The following NOS1 variants were observed in gnomAD, a reference collection of about 807,000 sequenced individuals.
NOS1 encodes nitric oxide synthase 1, also known as NOS type I.
NOS1 carries 51 observed loss-of-function variants against 164.5 expected under a neutral mutation model. The observed-to-expected ratio is 0.31, with a 90% CI of 0.25 to 0.39. The LOEUF (loss-of-function observed/expected upper bound fraction) is 0.39, where lower values mean the gene tolerates loss of function less well. Among genes scored for constraint, NOS1 ranks in the 10% least tolerant of loss-of-function variants. The pLI, the probability that NOS1 is intolerant of heterozygous loss-of-function variation, is 1.00. For missense variants in NOS1, 1,362 were observed against 1,885.6 expected (o/e 0.72, Z 5.14); for synonymous variants, 719 against 745.8 (o/e 0.96, Z 0.59).
At chr12:117,304,499 G>A (rs1390834405) in intron 3 of NOS1, among the ~76,000 whole-genome samples, 1 of 152,272 alleles carries the variant, frequency 6.6e-6, no homozygotes, top group East Asian at 1.9e-4. Context: ...ACATCCGTGA[G>A]GGTCTCAAGG....
chr12:117,208,709 C>T lies in NOS1; in HGVS notation c.*6600G>A. On this transcript the variant is annotated 3_prime_UTR_variant, in exon 29 of 29. Transcript: ENST00000317775. ...TCTTATTGAAACAGACTGCCATCCT[C>T]TGTTCTGGCATGGGAGGGCTTTTTT... 9.7e-7 allele frequency: 1 copy of T among 1,026,622 alleles called. No homozygotes were observed. The highest frequency in any genetic ancestry group is 3.5e-5 in the South Asian group (1 of 28,642). The allele number at this position is 1,026,622 out of a possible 1,614,324, so 63.6% of individuals were successfully genotyped here.
chr12:117,310,780 G>C (rs1452273063), intron 3 of NOS1, among the ~76,000 whole-genome samples: 1 of 151,992 alleles, frequency 6.6e-6, no homozygotes, highest in African/African-American at 2.4e-5. Context: ...GAGTAGCTAG[G>C]AACTACAGGT....
chr12:117,324,739 A>ATAAATAAATAAATAAATAAATAAG (rs60464578), intron 2 of NOS1, among the ~76,000 whole-genome samples: 3 of 151,988 alleles, frequency 2.0e-5, no homozygotes, highest in African/African-American at 7.3e-5. Flanking sequence ...AAATAAATAA[A>ATAAATAAATAAATAAATAAATAAG]GTGACTGCTC....
intron 3 of NOS1, among the ~76,000 whole-genome samples, chr12:117,307,037 C>T (rs550219213): frequency 1.3e-5 from 2 of 152,356 alleles, no homozygotes; most frequent in Admixed American, 1.3e-4. Context: ...GGCTTGAAGA[C>T]CAAAGTTATG....
intron 3 of NOS1, among the ~76,000 whole-genome samples, chr12:117,310,159 C>T (rs1263909709): frequency 1.3e-5 from 2 of 152,192 alleles, no homozygotes; most frequent in African/African-American, 2.4e-5. Flanking sequence ...CCTCCTGCCT[C>T]GGCCTTCCAA....
At position 117,213,363 on chromosome 12, in the gene NOS1, G is replaced by C; in HGVS notation, c.*1946C>G. On this transcript the variant is annotated 3_prime_UTR_variant, in exon 29 of 29. Coordinates refer to ENST00000317775, the MANE Select transcript of NOS1 (RefSeq NM_000620.5). ...GGGCTTCCCTTCAGGATTAGAAGGG[G>C]TGAGTGTGGGATGCTAAGTGTTTGT... 1 of 985,468 alleles carries C rather than the reference G, an allele frequency of 1.0e-6. No homozygotes were observed. Among genetic ancestry groups the C allele is most frequent in the Non-Finnish European group, 1.2e-6 (1 of 829,958 alleles). 61.0% of individuals were successfully genotyped at this position (985,468 alleles called of 1,614,324 possible). A position where few individuals can be genotyped will look rare whatever the true frequency, so the allele number is the denominator to read the frequency against.
At position 117,311,010 on chromosome 12, in the gene NOS1, C is replaced by T. The variant is rs548591324; in HGVS notation, c.852+456G>A. 1.4e-4 allele frequency among the ~76,000 whole-genome samples: 22 copies of T among 152,088 alleles called. No homozygotes were observed. The South Asian group carries it at 3.5e-3, about 24-fold the overall frequency. ...CCTCCTGAGTAGCTGGGACTACAGG[C>T]GCCCGCCACCATGCCAGGCTAATTT... On this transcript the variant is annotated intron_variant, in intron 3 of 28. Coordinates refer to ENST00000317775, the MANE Select transcript of NOS1 (RefSeq NM_000620.5).
intron 3 of NOS1, among the ~76,000 whole-genome samples, chr12:117,305,507 G>A (rs1874095892): frequency 6.6e-6 from 1 of 151,638 alleles, no homozygotes; most frequent in Non-Finnish European, 1.5e-5. Flanking sequence ...TCCAGGTACA[G>A]TGGCTTTGAG....
At chr12:117,250,066 C>T (rs139890702) in intron 17 of NOS1, among the ~76,000 whole-genome samples, 41 of 152,042 alleles carry the variant, frequency 2.7e-4, no homozygotes, top group African/African-American at 9.9e-4. Context: ...ACGATGGGGA[C>T]AAAATGGTAA....
intron 2 of NOS1, among the ~76,000 whole-genome samples, chr12:117,319,015 T>C (rs1874791641): frequency 6.6e-6 from 1 of 152,190 alleles, no homozygotes; most frequent in African/African-American, 2.4e-5. Context: ...GATTTCATCA[T>C]GCTTGGAGTG....
rs142088735 is a variant in NOS1, at chr12:117,314,928, G to C, written c.726-3336C>G. Among the ~76,000 whole-genome samples, 590 of 152,258 alleles carry C rather than the reference G, an allele frequency of 3.9e-3. 3 individuals carry two copies. The highest frequency in any genetic ancestry group is 0.013 in the African/African-American group (543 of 41,536). On this transcript the variant is annotated intron_variant, in intron 2 of 28. Coordinates refer to ENST00000317775, the MANE Select transcript of NOS1 (RefSeq NM_000620.5). ...AAACAGAGGTAGGAAAAACTGGTTA[G>C]GATGCTTATTCTAAGCCAGAGGCTA...
At chr12:117,361,154 C>T (rs1219681129) in intron 1 of NOS1, among the ~76,000 whole-genome samples, 1 of 152,032 alleles carries the variant, frequency 6.6e-6, no homozygotes, top group Non-Finnish European at 1.5e-5. Flanking sequence ...AGCGCCGAGG[C>T]TGCCTCTTCG....
intron 28 of NOS1, among the ~76,000 whole-genome samples, chr12:117,217,438 C>G (rs1423341009): frequency 1.3e-5 from 2 of 152,206 alleles, no homozygotes; most frequent in African/African-American, 4.8e-5. Context: ...TGTGCGGTGG[C>G]TCACACCTAT....
chr12:117,273,079 T>A (rs921833575), intron 9 of NOS1, among the ~76,000 whole-genome samples: 5 of 152,208 alleles, frequency 3.3e-5, no homozygotes, highest in Non-Finnish European at 7.3e-5. Flanking sequence ...AATTGTCAGC[T>A]AAAATCATGC....
At chr12:117,360,981 GC>G (rs1242523844) in intron 1 of NOS1, among the ~76,000 whole-genome samples, 1 of 151,990 alleles carries the variant, frequency 6.6e-6, no homozygotes, top group Non-Finnish European at 1.5e-5. Context: ...GCCTGAGGCC[GC>G]CCGCTAGGAG....
At chr12:117,306,911 C>T (rs1033383062) in intron 3 of NOS1, among the ~76,000 whole-genome samples, 6 of 152,204 alleles carry the variant, frequency 3.9e-5, no homozygotes, top group East Asian at 3.9e-4. Context: ...TGAGCCACCG[C>T]GCCTGGCCCC....
intron 2 of NOS1, among the ~76,000 whole-genome samples, chr12:117,321,390 T>G (rs2136064587): frequency 6.6e-6 from 1 of 152,266 alleles, no homozygotes; most frequent in African/African-American, 2.4e-5. Flanking sequence ...CTGAGTACAG[T>G]GTCAGGGGCA....
chr12:117,287,593 C>T (rs535665017), intron 5 of NOS1, among the ~76,000 whole-genome samples: 1 of 152,076 alleles, frequency 6.6e-6, no homozygotes, highest in Non-Finnish European at 1.5e-5. Context: ...TGTGCACCAC[C>T]ATGCCCTACT....
chr12:117,223,168 C>T (rs1179432765), intron 25 of NOS1, among the ~76,000 whole-genome samples: 1 of 152,130 alleles, frequency 6.6e-6, no homozygotes, highest in Non-Finnish European at 1.5e-5. Flanking sequence ...TACTTAGGAG[C>T]CCCCACCTGA....
Sources: allele counts gnomAD v4.1 joint callset (sites outside exome capture counted in the v4.1 genomes callset), GRCh38; gene constraint gnomAD v4.1.1; transcripts MANE v1.5; gene names NCBI Gene and HGNC (gene_info 2026-07-23, HGNC 2026-07-21).